Variants in RALA observed in about 807,000 individuals in gnomAD.
RALA encodes the protein RAS like proto-oncogene A.
In RALA, 5 loss-of-function variants were observed where a neutral mutation model predicts 24.0. The ratio of observed to expected loss-of-function variants is 0.21; its 90% confidence interval spans 0.11 to 0.44. The LOEUF (loss-of-function observed/expected upper bound fraction) is 0.44, where lower values mean the gene tolerates loss of function less well. Among genes scored for constraint, RALA ranks in the 20% least tolerant of loss-of-function variants. The probability of loss-of-function intolerance (pLI) is 0.99; values close to 1 mark genes in which losing one functional copy is unlikely to be tolerated. For missense variants in RALA, 95 were observed against 241.2 expected (o/e 0.39, Z 4.01); for synonymous variants, 77 against 83.8 (o/e 0.92, Z 0.44).
Position 39,706,201 on chromosome 7 carries a change from A to G in RALA, c.577A>G (p.Lys193Glu). 2 of 1,610,272 alleles carry G rather than the reference A, an allele frequency of 1.2e-6. No individual in the cohort carries two copies. The highest frequency in any genetic ancestry group is 2.2e-5 in the East Asian group (1 of 44,732). The change falls in exon 5 of 5, where the codon AAA (lysine) becomes GAA (glutamate). Residue 193 changes from lysine to glutamate, a missense_variant. By Grantham distance (56) the Lys-to-Glu change is moderately conservative (BLOSUM62 1). Coordinates refer to ENST00000005257, the MANE Select transcript of RALA (RefSeq NM_005402.4). ...SKEKNGKKKR[K>E]SLAKRIRERC... ...AGAAAAGAATGGAAAAAAGAAGAGG[A>G]AAAGTTTAGCCAAGAGAATCAGAGA...
chr7:39,663,339 G>A lies in RALA; in HGVS notation c.-37-23292G>A, dbSNP rs535676466. Among the ~76,000 whole-genome samples the A allele has an allele frequency of 4.6e-5, 7 of 152,244 alleles. No homozygotes were observed. The South Asian group carries it at 1.5e-3, about 32-fold the overall frequency. ...AACTACCTCCTGTTGCTATTGTTGA[G>A]CTCAAATGTTGCAAATACCTACTTC... On this transcript the variant is annotated intron_variant, in intron 1 of 4. Transcript: ENST00000005257.
intron 1 of RALA, among the ~76,000 whole-genome samples, chr7:39,676,691 T>C (rs1287372142): frequency 1.3e-5 from 2 of 152,198 alleles, no homozygotes; most frequent in Non-Finnish European, 2.9e-5. Flanking sequence ...ACAAAGATCA[T>C]TGGGGTTTTT....
intron 4 of RALA, among the ~76,000 whole-genome samples, chr7:39,698,244 A>C (rs1018431227): frequency 6.6e-6 from 1 of 152,164 alleles, no homozygotes; most frequent in Non-Finnish European, 1.5e-5. Flanking sequence ...TCTTATTGCC[A>C]TCACATAAGG....
In RALA at chr7:39,706,362, C is replaced by A. The variant is rs1487968122; in HGVS notation, c.*117C>A. ...TAACATTTTGGAAATTGTTGTATAT[C>A]ACTAAAAGCATGAATTGGAACTGCA... On this transcript the variant is annotated 3_prime_UTR_variant, in exon 5 of 5. Transcript: ENST00000005257. 3 of 1,125,310 alleles carry A rather than the reference C, an allele frequency of 2.7e-6. No homozygotes were observed. Among genetic ancestry groups the A allele is most frequent in the Non-Finnish European group, 3.8e-6 (3 of 784,412 alleles). 69.7% of individuals were successfully genotyped at this position (1,125,310 alleles called of 1,614,324 possible). A position where few individuals can be genotyped will look rare whatever the true frequency, so the allele number is the denominator to read the frequency against.
intron 3 of RALA, among the ~76,000 whole-genome samples, chr7:39,693,289 AC>A (rs1792862749): frequency 6.6e-6 from 1 of 152,162 alleles, no homozygotes; most frequent in Admixed American, 6.5e-5. Flanking sequence ...GAAGCTGGAA[AC>A]CATCATTCTG....
At chr7:39,703,613 A>G (rs1383168421) in intron 4 of RALA, among the ~76,000 whole-genome samples, 1 of 152,204 alleles carries the variant, frequency 6.6e-6, no homozygotes, top group Non-Finnish European at 1.5e-5. Context: ...GCATAGTTAC[A>G]TAATTTGCTT....
chr7:39,686,271 CAAAG>C (rs1435084925), intron 1 of RALA, among the ~76,000 whole-genome samples: 1 of 148,248 alleles, frequency 6.7e-6, no homozygotes, highest in Non-Finnish European at 1.5e-5. Context: ...AGTGTGAAAA[CAAAG>C]AGATCCTTTA....
At chr7:39,685,402 C>T (rs927740995) in intron 1 of RALA, among the ~76,000 whole-genome samples, 1 of 152,194 alleles carries the variant, frequency 6.6e-6, no homozygotes, top group Non-Finnish European at 1.5e-5. Context: ...GTTCTGGGAG[C>T]TGCAACTTAG....
intron 1 of RALA, among the ~76,000 whole-genome samples, chr7:39,628,436 T>A (rs1469999541): frequency 6.6e-6 from 1 of 151,692 alleles, no homozygotes; most frequent in East Asian, 1.9e-4. Context: ...CTTAAAGGCC[T>A]TCTTCGTAGG....
chr7:39,671,512 T>C (rs922657155), intron 1 of RALA, among the ~76,000 whole-genome samples: 1 of 152,206 alleles, frequency 6.6e-6, no homozygotes, highest in African/African-American at 2.4e-5. Context: ...TTACGCTTTA[T>C]TGAATAATTA....
At chr7:39,627,093 A>G (rs977369058) in intron 1 of RALA, among the ~76,000 whole-genome samples, 6 of 151,844 alleles carry the variant, frequency 4.0e-5, no homozygotes, top group South Asian at 4.2e-4. Context: ...TTTTTTTAAA[A>G]GATGTACCCT....
In RALA at chr7:39,694,880, AAAAAAAAG is replaced by A. The variant is rs1394430636; in HGVS notation, c.324-1789_324-1782del. Among the ~76,000 whole-genome samples, 14 of 149,574 alleles carry A rather than the reference AAAAAAAAG, an allele frequency of 9.4e-5. No homozygotes were observed. The South Asian group carries it at 2.1e-3, about 22-fold the overall frequency. On this transcript the variant is annotated intron_variant, in intron 3 of 4. Transcript: ENST00000005257. ...CAACATGGTGAAACCCCATCTCTAC[AAAAAAAAG>A]AAAAAAAGAAAAAAAAATTAGCTGG...
At chr7:39,653,564 A>G (rs1313764598) in intron 1 of RALA, among the ~76,000 whole-genome samples, 3 of 152,112 alleles carry the variant, frequency 2.0e-5, no homozygotes, top group Non-Finnish European at 2.9e-5. Context: ...CTGAGCTCCT[A>G]TAATCCTCCT....
intron 1 of RALA, among the ~76,000 whole-genome samples, chr7:39,684,568 T>A (rs1792663887): frequency 6.6e-6 from 1 of 152,098 alleles, no homozygotes; most frequent in Non-Finnish European, 1.5e-5. Flanking sequence ...GGCCCATTTG[T>A]GATTGAACCT....
chr7:39,643,803 G>A (rs1043625941), intron 1 of RALA, among the ~76,000 whole-genome samples: 2 of 152,190 alleles, frequency 1.3e-5, no homozygotes, highest in Non-Finnish European at 2.9e-5. Flanking sequence ...GTTGCAGTGA[G>A]CCAAGATCCA....
At chr7:39,671,783 A>G (rs1381603181) in intron 1 of RALA, among the ~76,000 whole-genome samples, 2 of 152,176 alleles carry the variant, frequency 1.3e-5, no homozygotes, top group African/African-American at 2.4e-5. Context: ...CTTTGTTATT[A>G]TTTTGTGTTC....
chr7:39,696,658 A>T, intron 3 of RALA, 27 bp from the exon 4 acceptor site: 4 of 1,541,134 alleles, frequency 2.6e-6, no homozygotes, highest in South Asian at 1.2e-5. Context: ...TAATGTTAAT[A>T]TTTCTTTTTC....
intron 1 of RALA, among the ~76,000 whole-genome samples, chr7:39,656,301 A>T (rs1020269240): frequency 6.6e-6 from 1 of 152,194 alleles, no homozygotes; most frequent in Non-Finnish European, 1.5e-5. Flanking sequence ...GAATTAAGCA[A>T]ATACAGGTCC....
chr7:39,673,826 TG>T (rs1408305343), intron 1 of RALA, among the ~76,000 whole-genome samples: 2 of 152,018 alleles, frequency 1.3e-5, no homozygotes, highest in Non-Finnish European at 2.9e-5. Flanking sequence ...TCATTAAAAA[TG>T]ATTTTTAAGA....
Sources: gnomAD v4.1 joint callset for allele counts (sites outside exome capture counted in the v4.1 genomes callset) on GRCh38, gnomAD v4.1.1 for gene constraint, MANE v1.5 for transcripts, NCBI Gene and HGNC (gene_info 2026-07-23, HGNC 2026-07-21) for gene names.